Variants in PLD5 observed in about 807,000 individuals in gnomAD.
PLD5 encodes the protein inactive phospholipase D5.
A neutral mutation model predicts 61.1 loss-of-function variants in PLD5; 36 were observed. The ratio of observed to expected loss-of-function variants is 0.59; its 90% confidence interval spans 0.45 to 0.78. The LOEUF (loss-of-function observed/expected upper bound fraction) is 0.78, where lower values mean the gene tolerates loss of function less well. Among genes scored for constraint, PLD5 ranks in the 30% least tolerant of loss-of-function variants. The pLI, the probability that PLD5 is intolerant of heterozygous loss-of-function variation, is 0.00. For missense variants in PLD5, 515 were observed against 644.4 expected, an observed-to-expected ratio of 0.80 and a Z score of 2.17; for synonymous variants, 243 against 242.8, an observed-to-expected ratio of 1.00 and a Z score of -0.01.
At chr1:242,133,042 G>A (rs1336668801) in intron 5 of PLD5, among the ~76,000 whole-genome samples, 2 of 44,152 alleles carry the variant, frequency 4.5e-5, no homozygotes, top group Admixed American at 3.0e-4. Context: ...CCCGCACACC[G>A]CCCACACCCC....
At chr1:242,440,261 G>A (rs1012218682) in intron 1 of PLD5, among the ~76,000 whole-genome samples, 1 of 152,070 alleles carries the variant, frequency 6.6e-6, no homozygotes, top group Non-Finnish European at 1.5e-5. Context: ...GAGTCACCCC[G>A]GTGGAAGGGA....
intron 5 of PLD5, among the ~76,000 whole-genome samples, chr1:242,125,030 G>T (rs995885546): frequency 6.6e-6 from 1 of 151,830 alleles, no homozygotes; most frequent in Non-Finnish European, 1.5e-5. Flanking sequence ...TAACCGAATG[G>T]CTGGAATCAT....
chr1:242,514,184 G>A (rs536691528), intron 1 of PLD5, among the ~76,000 whole-genome samples: 2 of 152,298 alleles, frequency 1.3e-5, no homozygotes, highest in South Asian at 4.1e-4. Flanking sequence ...ATCTACCATT[G>A]TGGGTGTTTT....
intron 1 of PLD5, among the ~76,000 whole-genome samples, chr1:242,522,987 C>T (rs1317140529): frequency 1.3e-5 from 2 of 152,156 alleles, no homozygotes; most frequent in Non-Finnish European, 2.9e-5. Flanking sequence ...CCCTTCTTCG[C>T]GTGTTTCCTC....
intron 1 of PLD5, among the ~76,000 whole-genome samples, chr1:242,348,871 G>A (rs572630046): frequency 1.9e-4 from 29 of 152,238 alleles, no homozygotes; most frequent in South Asian, 1.2e-3. Flanking sequence ...TGGCTAACAC[G>A]GTGAAACCCT....
intron 1 of PLD5, among the ~76,000 whole-genome samples, chr1:242,486,603 A>T (rs1389819891): frequency 6.6e-6 from 1 of 152,194 alleles, no homozygotes; most frequent in Non-Finnish European, 1.5e-5. Flanking sequence ...ACACTTTTAC[A>T]CTGTTGCTGA....
intron 7 of PLD5, among the ~76,000 whole-genome samples, chr1:242,108,261 A>G (rs1470170811): frequency 6.7e-6 from 1 of 149,460 alleles, no homozygotes; most frequent in African/African-American, 2.6e-5. Flanking sequence ...TTGTCCCCGA[A>G]ATGAACTTAC....
At chr1:242,445,314 A>G (rs752731975) in intron 1 of PLD5, among the ~76,000 whole-genome samples, 12 of 152,150 alleles carry the variant, frequency 7.9e-5, no homozygotes, top group African/African-American at 2.9e-4. Context: ...TGGATTTCCC[A>G]GTCTCTATAA....
chr1:242,123,914 C>G (rs556694152), intron 6 of PLD5, among the ~76,000 whole-genome samples: 1 of 152,108 alleles, frequency 6.6e-6, no homozygotes, highest in Non-Finnish European at 1.5e-5. Flanking sequence ...GTCAGAGGCC[C>G]GAAGCTGTGC....
chr1:242,420,966 G>A (rs560087564), intron 1 of PLD5, among the ~76,000 whole-genome samples: 1 of 152,196 alleles, frequency 6.6e-6, no homozygotes, highest in South Asian at 2.1e-4. Context: ...CGGATCACGA[G>A]GTCAAGAGAT....
At chr1:242,305,561 A>AT (rs371470398) in intron 2 of PLD5, among the ~76,000 whole-genome samples, 9,767 of 149,474 alleles carry the variant, frequency 0.065, 361 homozygotes, top group Middle Eastern at 0.11. Flanking sequence ...TCCATTTCTT[A>AT]TTTTTTTTTC....
At chr1:242,469,420 T>C (rs1221872387) in intron 1 of PLD5, among the ~76,000 whole-genome samples, 2 of 152,256 alleles carry the variant, frequency 1.3e-5, no homozygotes, top group African/African-American at 2.4e-5. Context: ...CAAGTATTTA[T>C]TGTCCACTTG....
At chr1:242,408,098 T>A (rs560861445) in intron 1 of PLD5, among the ~76,000 whole-genome samples, 1 of 152,320 alleles carries the variant, frequency 6.6e-6, no homozygotes, top group East Asian at 1.9e-4. Flanking sequence ...CTCCAGTGAC[T>A]AACTTATCCT....
chr1:242,094,900 T>C (rs1318551187), intron 9 of PLD5, among the ~76,000 whole-genome samples: 1 of 152,116 alleles, frequency 6.6e-6, no homozygotes, highest in Admixed American at 6.5e-5. Flanking sequence ...AATTCAAATA[T>C]AGGTTTGTCT....
rs895682502 is a variant in PLD5, at chr1:242,168,842, T to C, written c.736-44177A>G. On this transcript the variant is annotated intron_variant, in intron 5 of 9. Transcript: ENST00000536534. ...CTTATCCATGACAGTTTTTAATTAA[T>C]GAAGTTTTTTTTTTTTTTTTTTTTA... Among the ~76,000 whole-genome samples, 6 of 114,090 alleles carry C rather than the reference T, an allele frequency of 5.3e-5. No homozygotes were observed. In the South Asian group the frequency reaches 1.4e-3, roughly 26 times the overall value. 74.8% of individuals were successfully genotyped at this position (114,090 alleles called of 152,430 possible).
chr1:242,311,880 G>A (rs1676717423), intron 2 of PLD5, among the ~76,000 whole-genome samples: 1 of 150,758 alleles, frequency 6.6e-6, no homozygotes, highest in South Asian at 2.1e-4. Context: ...AGTTCCTTAG[G>A]CTCTGTTCAT....
At position 242,336,311 on chromosome 1, in the gene PLD5, A is replaced by T. The variant is rs540900478; in HGVS notation, c.326+11795T>A. ...CAATTCCATTTCTAGGAATTTAAAGATATTCTACTACCTAGGCTAAACGTG... is the reference window on the plus strand; with the variant it reads ...CAATTCCATTTCTAGGAATTTAAAGTTATTCTACTACCTAGGCTAAACGTG... On this transcript the variant is annotated intron_variant, in intron 2 of 9. Transcript: ENST00000536534. 1.4e-4 allele frequency among the ~76,000 whole-genome samples: 22 copies of T among 152,308 alleles called. 1 individual carries two copies. The South Asian group carries it at 4.4e-3, about 30-fold the overall frequency.
At chr1:242,117,237 A>C (rs1662015845) in intron 6 of PLD5, among the ~76,000 whole-genome samples, 2 of 151,958 alleles carry the variant, frequency 1.3e-5, no homozygotes, top group African/African-American at 2.4e-5. Context: ...GCAAGTAATT[A>C]CCAGTCCACG....
intron 2 of PLD5, among the ~76,000 whole-genome samples, chr1:242,304,631 A>C (rs1192842847): frequency 6.6e-6 from 1 of 152,224 alleles, no homozygotes; most frequent in Non-Finnish European, 1.5e-5. Context: ...GAAACATTCT[A>C]TGTACACAGA....
Sources: allele counts gnomAD v4.1 joint callset (sites outside exome capture counted in the v4.1 genomes callset), GRCh38; gene constraint gnomAD v4.1.1; transcripts MANE v1.5; gene names NCBI Gene and HGNC (gene_info 2026-07-23, HGNC 2026-07-21).